PALLD: variants seen among roughly 807,000 people sequenced by gnomAD.
The protein encoded by PALLD is palladin, cytoskeletal associated protein.
PALLD carries 61 observed loss-of-function variants against 123.5 expected under a neutral mutation model. The ratio of observed to expected loss-of-function variants is 0.49; its 90% CI spans 0.40 to 0.61. PALLD has a LOEUF of 0.61. Ranked by LOEUF, PALLD falls within the 20% of genes least tolerant of loss-of-function variation. PALLD has a pLI of 0.00. For synonymous variants in PALLD, 465 were observed against 496.4 expected, an observed-to-expected ratio of 0.94 and a Z score of 0.84; for missense variants, 1,273 against 1,377.0, an observed-to-expected ratio of 0.92 and a Z score of 1.20.
intron 10 of PALLD, among the ~76,000 whole-genome samples, chr4:168,800,399 C>T (rs1352941552): frequency 6.6e-6 from 1 of 151,776 alleles, no homozygotes; most frequent in Non-Finnish European, 1.5e-5. Context: ...ATAAAGAACT[C>T]GTACAAATCA....
At chr4:168,624,855 A>G (rs1160967268) in intron 2 of PALLD, among the ~76,000 whole-genome samples, 2 of 152,168 alleles carry the variant, frequency 1.3e-5, no homozygotes, top group African/African-American at 4.8e-5. Context: ...AACTTAATAC[A>G]TGTCCAAGAC....
intron 10 of PALLD, among the ~76,000 whole-genome samples, chr4:168,785,734 C>T (rs1736618171): frequency 6.6e-6 from 1 of 150,952 alleles, no homozygotes; most frequent in Non-Finnish European, 1.5e-5. Context: ...ACAATTTCAG[C>T]CTCAAATTTA....
chr4:168,511,394 TACTAATG>T lies in PALLD; in HGVS notation c.-82-26_-82-20del. The T allele has an allele frequency of 6.4e-6, 5 of 784,646 alleles. No homozygotes were observed. The South Asian group carries it at 7.4e-5, about 12-fold the overall frequency. 48.6% of individuals were successfully genotyped at this position (784,646 alleles called of 1,614,324 possible). A position where few individuals can be genotyped will look rare whatever the true frequency, so the allele number is the denominator to read the frequency against. ...ATTAAAATGGGGAAAAAATCATTGC[TACTAATG>T]ACATTCTATGCTGTCTTTCAGAACA... On this transcript the variant is annotated intron_variant, in intron 1 of 21. Coordinates refer to ENST00000505667, the MANE Select transcript of PALLD (RefSeq NM_001166108.2).
At chr4:168,566,645 T>C (rs546391530) in intron 2 of PALLD, among the ~76,000 whole-genome samples, 34 of 152,282 alleles carry the variant, frequency 2.2e-4, no homozygotes, top group Admixed American at 1.9e-3. Flanking sequence ...CTTGAGTCCA[T>C]GAAGAGTCCA....
At chr4:168,845,304 G>T (rs1254340146) in intron 10 of PALLD, among the ~76,000 whole-genome samples, 1 of 152,088 alleles carries the variant, frequency 6.6e-6, no homozygotes, top group East Asian at 1.9e-4. Context: ...GGAATTTTAG[G>T]ACCCTTACTA....
chr4:168,642,156 C>T (rs1472835123), intron 2 of PALLD, among the ~76,000 whole-genome samples: 1 of 152,172 alleles, frequency 6.6e-6, no homozygotes, highest in Non-Finnish European at 1.5e-5. Flanking sequence ...TCCCTCGGGT[C>T]TTTCAGGATC....
intron 10 of PALLD, among the ~76,000 whole-genome samples, chr4:168,755,021 A>C (rs540119739): frequency 2.6e-5 from 4 of 152,252 alleles, no homozygotes; most frequent in Admixed American, 2.6e-4. Flanking sequence ...TCATGAGGTC[A>C]GGAGATCGAG....
chr4:168,761,125 T>C (rs755357992), intron 10 of PALLD, among the ~76,000 whole-genome samples: 2 of 152,250 alleles, frequency 1.3e-5, no homozygotes, highest in Non-Finnish European at 1.5e-5. Context: ...TTCTTAGTAG[T>C]TCTTAAACTA....
intron 10 of PALLD, among the ~76,000 whole-genome samples, chr4:168,866,932 G>A (rs1226227663): frequency 6.6e-6 from 1 of 152,172 alleles, no homozygotes; most frequent in Admixed American, 6.5e-5. Flanking sequence ...ATAGTCTTGA[G>A]TGGAGCCCAA....
chr4:168,895,731 A>G (rs1393942593), intron 12 of PALLD, among the ~76,000 whole-genome samples: 1 of 152,224 alleles, frequency 6.6e-6, no homozygotes, highest in African/African-American at 2.4e-5. Context: ...TCCATATATA[A>G]GTGGACCCAT....
intron 2 of PALLD, among the ~76,000 whole-genome samples, chr4:168,544,114 A>G (rs560727018): frequency 6.6e-6 from 1 of 152,222 alleles, no homozygotes; most frequent in African/African-American, 2.4e-5. Context: ...TAAATCATGT[A>G]TTTATCTGTG....
At chr4:168,694,565 T>G (rs1422449498) in intron 8 of PALLD, among the ~76,000 whole-genome samples, 1 of 152,156 alleles carries the variant, frequency 6.6e-6, no homozygotes, top group Non-Finnish European at 1.5e-5. Context: ...CTCTTTACTC[T>G]CTTCCTTATT....
chr4:168,867,425 A>G (rs1750455437), intron 10 of PALLD, among the ~76,000 whole-genome samples: 1 of 152,332 alleles, frequency 6.6e-6, no homozygotes, highest in East Asian at 1.9e-4. Context: ...GTTACTGTCT[A>G]AGGCCTCCTT....
chr4:168,514,879 G>A (rs1762850823), intron 2 of PALLD, among the ~76,000 whole-genome samples: 1 of 152,220 alleles, frequency 6.6e-6, no homozygotes, highest in South Asian at 2.1e-4. Context: ...ACCATTTGGT[G>A]ATTCTAGGGG....
intron 1 of PALLD, among the ~76,000 whole-genome samples, chr4:168,504,644 CAATT>C (rs1405232695): frequency 6.7e-6 from 1 of 149,220 alleles, no homozygotes; most frequent in African/African-American, 2.5e-5. Context: ...GGGAAAATGA[CAATT>C]AAGCTAAACT....
At chr4:168,631,942 A>G in intron 2 of PALLD, 1 of 981,082 alleles carries the variant, frequency 1.0e-6, no homozygotes, top group Non-Finnish European at 1.2e-6. Flanking sequence ...GGAGGAAATA[A>G]AGCTTTGCAG....
intron 2 of PALLD, chr4:168,598,569 T>C (rs1440638964): frequency 1.2e-5 from 4 of 330,886 alleles, no homozygotes; most frequent in Non-Finnish European, 1.8e-5. Context: ...TTGGGATCGT[T>C]GAAATGAAAA....
intron 10 of PALLD, among the ~76,000 whole-genome samples, chr4:168,791,893 A>C (rs1309132995): frequency 2.6e-5 from 4 of 151,746 alleles, no homozygotes; most frequent in African/African-American, 9.7e-5. Flanking sequence ...TTATAACATA[A>C]AATCTTCTAA....
At chr4:168,678,207 G>A (rs1162427560) in intron 3 of PALLD, among the ~76,000 whole-genome samples, 1 of 152,084 alleles carries the variant, frequency 6.6e-6, no homozygotes, top group Non-Finnish European at 1.5e-5. Context: ...TTCTAGTTAT[G>A]TGACCTTCAA....
Sources: allele counts gnomAD v4.1 joint callset (sites outside exome capture counted in the v4.1 genomes callset), GRCh38; gene constraint gnomAD v4.1.1; transcripts MANE v1.5; gene names NCBI Gene and HGNC (gene_info 2026-07-23, HGNC 2026-07-21).